Variants in NEBL observed in about 807,000 individuals in gnomAD.
NEBL encodes LIM and SH3 protein 2.
Under a neutral mutation model 140.2 loss-of-function variants are expected in NEBL, and 122 were observed. That is an observed-to-expected ratio of 0.87 (90% CI 0.75 to 1.01). NEBL has a LOEUF of 1.01. Among genes scored for constraint, NEBL ranks in the 50% least tolerant of loss-of-function variants. The probability of loss-of-function intolerance (pLI) is 0.00; values close to 1 mark genes in which losing one functional copy is unlikely to be tolerated. For missense variants in NEBL, 1,365 were observed against 1,231.3 expected, an observed-to-expected ratio of 1.11 and a Z score of -1.62; for synonymous variants, 436 against 398.9, an observed-to-expected ratio of 1.09 and a Z score of -1.11.
At chr10:21,042,420 C>CAAT (rs2131833633) in intron 2 of NEBL, among the ~76,000 whole-genome samples, 1 of 152,254 alleles carries the variant, frequency 6.6e-6, no homozygotes, top group African/African-American at 2.4e-5. Flanking sequence ...CTAAATACAG[C>CAAT]CATTATTAAA....
chr10:20,887,388 G>A, intron 4 of NEBL, among the ~76,000 whole-genome samples: 1 of 145,598 alleles, frequency 6.9e-6, no homozygotes, highest in East Asian at 2.0e-4. Flanking sequence ...TGATGAAGCA[G>A]ATCTGTGGAT....
intron 2 of NEBL, among the ~76,000 whole-genome samples, chr10:21,161,907 G>C (rs1300892440): frequency 6.6e-6 from 1 of 152,140 alleles, no homozygotes; most frequent in Non-Finnish European, 1.5e-5. Flanking sequence ...TTATTCATGA[G>C]CTCCTTGGAC....
At chr10:21,137,396 C>A (rs755439837) in intron 2 of NEBL, among the ~76,000 whole-genome samples, 7 of 152,148 alleles carry the variant, frequency 4.6e-5, no homozygotes, top group Non-Finnish European at 7.3e-5. Context: ...GTTCGTATAG[C>A]CTTGGTGTTC....
At chr10:21,187,561 C>G (rs926573423) in intron 3 of NEBL, among the ~76,000 whole-genome samples, 6 of 151,558 alleles carry the variant, frequency 4.0e-5, no homozygotes, top group Non-Finnish European at 8.8e-5. Flanking sequence ...TCACCCAGGC[C>G]GGAATGCAGT....
chr10:21,142,805 T>G (rs916087125), intron 2 of NEBL, among the ~76,000 whole-genome samples: 1 of 152,038 alleles, frequency 6.6e-6, no homozygotes, highest in Non-Finnish European at 1.5e-5. Context: ...TTGTGCTCCT[T>G]ATGAGAATCT....
chr10:21,073,802 C>T (rs1318271598), intron 2 of NEBL, among the ~76,000 whole-genome samples: 3 of 151,908 alleles, frequency 2.0e-5, no homozygotes, highest in African/African-American at 2.4e-5. Flanking sequence ...TAGCCAGGGG[C>T]GGTGGCTCAC....
chr10:20,801,356 C>T (rs550283085), intron 26 of NEBL, among the ~76,000 whole-genome samples: 1 of 151,780 alleles, frequency 6.6e-6, no homozygotes, highest in Admixed American at 6.6e-5. Context: ...GGGATTACAA[C>T]CAGCTAATTT....
intron 1 of NEBL, among the ~76,000 whole-genome samples, chr10:21,265,300 T>G (rs543600087): frequency 4.3e-4 from 65 of 152,252 alleles, no homozygotes; most frequent in African/African-American, 1.5e-3. Context: ...CCTCTTAAAC[T>G]ATCACATCAG....
chr10:20,870,090 G>T (rs1844765703), intron 5 of NEBL, among the ~76,000 whole-genome samples: 1 of 151,914 alleles, frequency 6.6e-6, no homozygotes, highest in African/African-American at 2.4e-5. Flanking sequence ...ACTTTGGGAG[G>T]CCTAGGTGGG....
chr10:21,233,899 T>C (rs1248437910), intron 3 of NEBL, among the ~76,000 whole-genome samples: 3 of 137,820 alleles, frequency 2.2e-5, no homozygotes, highest in Non-Finnish European at 3.2e-5. Context: ...ATATATTACA[T>C]ATATATGCAT....
At chr10:20,938,090 A>G (rs968095546) in intron 4 of NEBL, among the ~76,000 whole-genome samples, 2 of 152,190 alleles carry the variant, frequency 1.3e-5, no homozygotes, top group African/African-American at 4.8e-5. Flanking sequence ...TGAAGACAGT[A>G]GTGGTTCTCC....
At chr10:21,159,661 G>T (rs1387694335) in intron 2 of NEBL, among the ~76,000 whole-genome samples, 1 of 152,218 alleles carries the variant, frequency 6.6e-6, no homozygotes, top group Non-Finnish European at 1.5e-5. Flanking sequence ...CACATGGTCT[G>T]CCATGCAGCG....
chr10:20,840,181 CAA>C (rs1032572992), intron 13 of NEBL, among the ~76,000 whole-genome samples: 3 of 152,068 alleles, frequency 2.0e-5, no homozygotes, highest in African/African-American at 7.2e-5. Context: ...TAAATTCAGC[CAA>C]AGTCTCTTAA....
intron 3 of NEBL, among the ~76,000 whole-genome samples, chr10:20,995,206 AC>A (rs1438629762): frequency 6.6e-6 from 1 of 151,670 alleles, no homozygotes; most frequent in Non-Finnish European, 1.5e-5. Context: ...AATGTACAGC[AC>A]CCCCCAGTCT....
chr10:20,868,847 A>T, intron 6 of NEBL, 82 bp from the exon 7 acceptor site: 1 of 828,592 alleles, frequency 1.2e-6, no homozygotes, highest in Non-Finnish European at 2.0e-6. Context: ...AAAAAAAAAA[A>T]ATAACAGACC....
intron 3 of NEBL, among the ~76,000 whole-genome samples, chr10:21,224,498 G>A (rs1842117825): frequency 6.6e-6 from 1 of 151,992 alleles, no homozygotes; most frequent in Admixed American, 6.6e-5. Flanking sequence ...GCTATTCTGG[G>A]TCTTTTGTGA....
At chr10:20,894,493 G>C (rs1847277187) in intron 2 of NEBL, among the ~76,000 whole-genome samples, 1 of 149,124 alleles carries the variant, frequency 6.7e-6, no homozygotes, top group South Asian at 2.1e-4. Flanking sequence ...AAAGAAGAAG[G>C]AAGGAAGGAA....
rs913977124 is a variant in NEBL at position 20,944,146 on chromosome 10, T to C, written c.357+17526A>G. On this transcript the variant is annotated intron_variant, in intron 4 of 6. Transcript: ENST00000417816. ...GGGCGCAGTGGCTCAATGCCTGTAA[T>C]CCCAGCACTTTGGGAGGCCGAGGCA... Among the ~76,000 whole-genome samples the C allele has an allele frequency of 5.9e-5, 9 of 152,338 alleles. No homozygotes were observed. The South Asian group carries it at 1.0e-3, about 18-fold the overall frequency.
chr10:20,988,060 T>C (rs1273875591), intron 3 of NEBL, among the ~76,000 whole-genome samples: 1 of 152,198 alleles, frequency 6.6e-6, no homozygotes, highest in Non-Finnish European at 1.5e-5. Flanking sequence ...CCAATCAAAA[T>C]CAATTATCCT....
Sources: allele counts gnomAD v4.1 joint callset (sites outside exome capture counted in the v4.1 genomes callset), GRCh38; gene constraint gnomAD v4.1.1; transcripts MANE v1.5; gene names NCBI Gene and HGNC (gene_info 2026-07-23, HGNC 2026-07-21).